Variants in KIAA1217 observed in about 807,000 individuals in gnomAD.
KIAA1217 encodes the protein sickle tail protein homolog.
KIAA1217 carries 88 observed loss-of-function variants against 163.9 expected under a neutral mutation model. The ratio of observed to expected loss-of-function variants is 0.54; its 90% CI spans 0.45 to 0.64. KIAA1217 has a LOEUF of 0.64. Among genes scored for constraint, KIAA1217 ranks in the 30% least tolerant of loss-of-function variants. The probability of loss-of-function intolerance (pLI) is 0.00; values close to 1 mark genes in which losing one functional copy is unlikely to be tolerated. For synonymous variants in KIAA1217, 903 were observed against 923.1 expected, an observed-to-expected ratio of 0.98 and a Z score of 0.39; for missense variants, 2,372 against 2,475.0, an observed-to-expected ratio of 0.96 and a Z score of 0.88.
chr10:23,940,460 CAAAAAAAAAAAA>C (rs760090400), intron 1 of KIAA1217, among the ~76,000 whole-genome samples: 1,744 of 46,102 alleles, frequency 0.038, 36 homozygotes, highest in South Asian at 0.17. Flanking sequence ...GACTCCGTCT[CAAAAAAAAAAAA>C]AAAAAAAAAA....
rs532242461 is a variant in KIAA1217 at position 24,079,620 on chromosome 10, G to A, written c.-171+72246G>A. Among the ~76,000 whole-genome samples the A allele has an allele frequency of 3.9e-5, 6 of 152,196 alleles. No homozygotes were observed. In the South Asian group the frequency reaches 1.2e-3, roughly 32 times the overall value. On this transcript the variant is annotated intron_variant, in intron 2 of 18. Transcript: ENST00000376462. ...TGCTTCCTGTGAAAGCTCTATGGTC[G>A]ATCTTGCATAAGACATTATCCATTC... is the stretch of plus-strand genomic sequence containing the variant.
At chr10:24,066,367 G>C (rs1052013895) in intron 2 of KIAA1217, among the ~76,000 whole-genome samples, 9 of 152,152 alleles carry the variant, frequency 5.9e-5, no homozygotes, top group African/African-American at 2.2e-4. Flanking sequence ...GCATTTGCTT[G>C]TCTGTAAAGT....
In KIAA1217 at chr10:24,209,243, C is replaced by CAGACAGA; in HGVS notation, c.58_64dup (p.Met22LysfsTer30). The CAGACAGA allele has an allele frequency of 6.2e-7, 1 of 1,613,498 alleles. No homozygotes were observed. Among genetic ancestry groups the CAGACAGA allele is most frequent in the Non-Finnish European group, 8.5e-7 (1 of 1,179,728 alleles). The stretch of plus-strand genomic sequence containing the variant: ...TGTGAGCCGTGCCTTCCTTACTCAG[C>CAGACAGA]AGACAGAAGACAGATGCAGGGTAAG... On this transcript the variant is annotated frameshift_variant, in exon 1 of 21. Coordinates refer to ENST00000376454, the MANE Select transcript of KIAA1217 (RefSeq NM_019590.5). LOFTEE classifies it high-confidence loss of function.
intron 2 of KIAA1217, among the ~76,000 whole-genome samples, chr10:24,118,438 C>T (rs1334975050): frequency 6.6e-6 from 1 of 152,184 alleles, no homozygotes; most frequent in African/African-American, 2.4e-5. Flanking sequence ...ATTCCACACC[C>T]CCTCGAATTT....
At chr10:23,700,016 A>C (rs892691785) in intron 1 of KIAA1217, among the ~76,000 whole-genome samples, 1 of 152,210 alleles carries the variant, frequency 6.6e-6, no homozygotes, top group African/African-American at 2.4e-5. Context: ...TGCATCACTT[A>C]GATAGAACTG....
chr10:23,952,614 C>G (rs1307697950), intron 1 of KIAA1217, among the ~76,000 whole-genome samples: 1 of 152,188 alleles, frequency 6.6e-6, no homozygotes, highest in African/African-American at 2.4e-5. Flanking sequence ...ATCTGAGTCT[C>G]AGCTTTAGCT....
At chr10:24,368,396 C>T (rs1057018899) in intron 2 of KIAA1217, among the ~76,000 whole-genome samples, 28 of 152,034 alleles carry the variant, frequency 1.8e-4, no homozygotes, top group Non-Finnish European at 1.0e-4. Context: ...GATTCCCTCC[C>T]GCTATTCTTT....
intron 1 of KIAA1217, among the ~76,000 whole-genome samples, chr10:23,873,698 C>T (rs374583753): frequency 5.7e-4 from 86 of 152,070 alleles, no homozygotes; most frequent in African/African-American, 2.0e-3. Flanking sequence ...TTCTCTCTCT[C>T]TCTCTCTCTC....
intron 2 of KIAA1217, among the ~76,000 whole-genome samples, chr10:24,186,708 T>C (rs1292810655): frequency 6.6e-6 from 1 of 152,074 alleles, no homozygotes; most frequent in Non-Finnish European, 1.5e-5. Flanking sequence ...CTGGCCAACA[T>C]GGTGAAATCC....
Position 24,473,866 on chromosome 10 carries a change from C to T in KIAA1217, c.1485C>T (p.Pro495=), listed in dbSNP as rs1174112800. Residue 495 remains proline, a synonymous_variant, in exon 6 of 21, where the codon CCC becomes CCT. Coordinates refer to ENST00000376454, the MANE Select transcript of KIAA1217 (RefSeq NM_019590.5). ...ACGCTCACTATAATGCCCACGGCCC[C>T]CCTCACACCATGCAGCCAGACCGGG... ...DMHAHYNAHG[P]PHTMQPDRAS... 1 of 1,614,140 alleles carries T rather than the reference C, an allele frequency of 6.2e-7. No individual in the cohort carries two copies.
intron 2 of KIAA1217, chr10:24,368,825 G>A: frequency 1.0e-6 from 1 of 983,176 alleles, no homozygotes; most frequent in Non-Finnish European, 1.2e-6. Context: ...ACCCTACTGA[G>A]AGTAACACCA....
chr10:24,287,233 T>A (rs1027059975), intron 2 of KIAA1217, among the ~76,000 whole-genome samples: 3 of 152,168 alleles, frequency 2.0e-5, no homozygotes, highest in African/African-American at 7.2e-5. Context: ...GTATTTCTAG[T>A]AGAGACAGGG....
At chr10:24,058,208 GC>G (rs1304518491) in intron 2 of KIAA1217, among the ~76,000 whole-genome samples, 1 of 152,114 alleles carries the variant, frequency 6.6e-6, no homozygotes, top group African/African-American at 2.4e-5. Context: ...AATTGTGTAT[GC>G]ATGGGTTCAT....
chr10:24,177,348 C>T (rs989440031), intron 2 of KIAA1217, among the ~76,000 whole-genome samples: 2 of 108,076 alleles, frequency 1.9e-5, no homozygotes, highest in Non-Finnish European at 1.8e-5. Flanking sequence ...TCTTATATAT[C>T]TTTATCATAT....
intron 2 of KIAA1217, among the ~76,000 whole-genome samples, chr10:24,344,847 A>T (rs189112017): frequency 6.6e-6 from 1 of 152,300 alleles, no homozygotes; most frequent in East Asian, 1.9e-4. Flanking sequence ...ATCTTGAATT[A>T]AAACAGACTG....
At chr10:24,083,919 A>G (rs2061612393) in intron 2 of KIAA1217, among the ~76,000 whole-genome samples, 2 of 152,114 alleles carry the variant, frequency 1.3e-5, no homozygotes, top group Admixed American at 6.5e-5. Flanking sequence ...GGCCTGTCGC[A>G]TTTCAGGCAT....
intron 1 of KIAA1217, among the ~76,000 whole-genome samples, chr10:23,959,314 G>A (rs1844715328): frequency 6.6e-6 from 1 of 152,092 alleles, no homozygotes; most frequent in African/African-American, 2.4e-5. Flanking sequence ...AGGATTGTTT[G>A]AGGCTAGGAG....
chr10:24,502,189 G>C (rs148840694), intron 9 of KIAA1217, among the ~76,000 whole-genome samples: 1 of 150,180 alleles, frequency 6.7e-6, no homozygotes, highest in African/African-American at 2.5e-5. Context: ...CAGCTTGGAG[G>C]CTCCATCCTC....
chr10:24,197,670 T>C (rs1289799780), intron 2 of KIAA1217, among the ~76,000 whole-genome samples: 1 of 152,284 alleles, frequency 6.6e-6, no homozygotes, highest in Non-Finnish European at 1.5e-5. Flanking sequence ...CTTCTTTTTA[T>C]CTTTATAATT....
Sources: allele counts gnomAD v4.1 joint callset (sites outside exome capture counted in the v4.1 genomes callset), GRCh38; gene constraint gnomAD v4.1.1; transcripts MANE v1.5; gene names NCBI Gene and HGNC (gene_info 2026-07-23, HGNC 2026-07-21).